SGIP1: variants seen among roughly 807,000 people sequenced by gnomAD.
SGIP1 encodes SH3-containing GRB2-like protein 3-interacting protein 1.
A neutral mutation model predicts 107.5 loss-of-function variants in SGIP1; 38 were observed. That is an observed-to-expected ratio of 0.35 (90% CI 0.27 to 0.46). SGIP1 has a LOEUF of 0.46. SGIP1 is among the 20% of genes least tolerant of loss of function. The pLI is 1.00. For synonymous variants in SGIP1, 365 were observed against 366.1 expected (o/e 1.00, Z 0.03); for missense variants, 929 against 1,019.5 (o/e 0.91, Z 1.21).
At chr1:66,634,536 C>T (rs1282729206) in intron 3 of SGIP1, among the ~76,000 whole-genome samples, 4 of 151,948 alleles carry the variant, frequency 2.6e-5, no homozygotes, top group African/African-American at 9.7e-5. Context: ...GGGGACGCAT[C>T]CCCCCAGGGC....
chr1:66,708,367 T>C (rs2092673026), intron 18 of SGIP1, among the ~76,000 whole-genome samples: 1 of 152,182 alleles, frequency 6.6e-6, no homozygotes, highest in Non-Finnish European at 1.5e-5. Context: ...TTTCCAATGC[T>C]TGATCAAACT....
At chr1:66,535,894 A>G (rs1430066777) in intron 1 of SGIP1, among the ~76,000 whole-genome samples, 1 of 42,990 alleles carries the variant, frequency 2.3e-5, no homozygotes, top group Non-Finnish European at 4.3e-5. Flanking sequence ...CTCCAGCTCA[A>G]CTTCATATAG....
intron 1 of SGIP1, among the ~76,000 whole-genome samples, chr1:66,578,313 C>A (rs984581120): frequency 2.6e-5 from 4 of 152,218 alleles, no homozygotes; most frequent in Non-Finnish European, 5.9e-5. Flanking sequence ...GGCTAATGAG[C>A]AATGGATGTA....
chr1:66,727,051 T>A (rs2093789203), intron 19 of SGIP1, among the ~76,000 whole-genome samples: 1 of 152,226 alleles, frequency 6.6e-6, no homozygotes, highest in Admixed American at 6.5e-5. Flanking sequence ...ACCGAAAGAA[T>A]GACTGGATTA....
At chr1:66,582,491 T>A (rs1401266599) in intron 1 of SGIP1, among the ~76,000 whole-genome samples, 1 of 151,748 alleles carries the variant, frequency 6.6e-6, no homozygotes, top group South Asian at 2.1e-4. Context: ...AGTTTTTGAT[T>A]AAGTGAGAGG....
chr1:66,537,599 G>T (rs2147980980), intron 1 of SGIP1, among the ~76,000 whole-genome samples: 1 of 152,000 alleles, frequency 6.6e-6, no homozygotes, highest in Admixed American at 6.5e-5. Context: ...AGGCTCTTAG[G>T]TGCTATACTA....
intron 1 of SGIP1, among the ~76,000 whole-genome samples, chr1:66,606,014 G>C (rs934576464): frequency 3.9e-5 from 6 of 152,092 alleles, no homozygotes; most frequent in Non-Finnish European, 8.8e-5. Context: ...TTTTCATCTG[G>C]GGAAGATCTG....
chr1:66,633,184 G>GA (rs1225310599), intron 3 of SGIP1, 90 bp downstream of exon 3: 26 of 837,698 alleles, frequency 3.1e-5, no homozygotes, highest in East Asian at 1.5e-4. Context: ...TTCCTGTAGG[G>GA]AAAAAAATAG....
intron 1 of SGIP1, among the ~76,000 whole-genome samples, chr1:66,588,149 A>C (rs2062934983): frequency 6.6e-6 from 1 of 152,142 alleles, no homozygotes; most frequent in South Asian, 2.1e-4. Flanking sequence ...CACTTATTAA[A>C]CTTCCAGTGG....
At chr1:66,573,336 A>G (rs1019470408) in intron 1 of SGIP1, among the ~76,000 whole-genome samples, 4 of 152,154 alleles carry the variant, frequency 2.6e-5, no homozygotes, top group Non-Finnish European at 5.9e-5. Flanking sequence ...TAGTTCAACC[A>G]TTGTGGAAGA....
At chr1:66,655,726 G>A (rs1221028116) in intron 7 of SGIP1, among the ~76,000 whole-genome samples, 2 of 151,946 alleles carry the variant, frequency 1.3e-5, no homozygotes, top group South Asian at 4.2e-4. Flanking sequence ...TAAAAATATG[G>A]CATGAAAGAT....
intron 4 of SGIP1, among the ~76,000 whole-genome samples, chr1:66,638,840 C>G (rs1433885148): frequency 6.6e-6 from 1 of 152,178 alleles, no homozygotes; most frequent in Non-Finnish European, 1.5e-5. Flanking sequence ...GTGTCCAAGC[C>G]TCATGCGTCA....
At position 66,677,106 on chromosome 1, in the gene SGIP1, G is replaced by T; in HGVS notation, c.739+10G>T. On this transcript the variant is annotated intron_variant, in intron 13 of 24. Transcript: ENST00000371037. ...CCTTTTCCCACTGGAAGTAAGTTAT[G>T]TGTCTGCTCTGTCTGGAAAAATAAG... 6.2e-7 allele frequency: 1 copy of T among 1,605,364 alleles called. No homozygotes were observed. Among genetic ancestry groups the T allele is most frequent in the Non-Finnish European group, 8.5e-7 (1 of 1,173,232 alleles).
intron 1 of SGIP1, among the ~76,000 whole-genome samples, chr1:66,560,501 A>C (rs956698987): frequency 1.3e-5 from 2 of 152,096 alleles, no homozygotes; most frequent in African/African-American, 4.8e-5. Context: ...ATTTTACAGT[A>C]AGCAATTATG....
intron 20 of SGIP1, among the ~76,000 whole-genome samples, chr1:66,732,124 A>G (rs1158329866): frequency 1.3e-5 from 2 of 152,226 alleles, no homozygotes; most frequent in African/African-American, 4.8e-5. Context: ...ATAGCATTAT[A>G]TAATTGAGGG....
intron 18 of SGIP1, among the ~76,000 whole-genome samples, chr1:66,715,471 TG>T (rs1295049018): frequency 1.4e-5 from 2 of 142,594 alleles, no homozygotes; most frequent in African/African-American, 5.3e-5. Context: ...ATGTTGTTGT[TG>T]GGGGGGCGTG....
intron 1 of SGIP1, among the ~76,000 whole-genome samples, chr1:66,543,489 ATT>A (rs2148096396): frequency 6.6e-6 from 1 of 152,324 alleles, no homozygotes; most frequent in Non-Finnish European, 1.5e-5. Flanking sequence ...GTCAAAGTTT[ATT>A]TTAGTAATGA....
intron 2 of SGIP1, among the ~76,000 whole-genome samples, chr1:66,630,778 C>G (rs1202535284): frequency 1.6e-5 from 2 of 128,762 alleles, no homozygotes; most frequent in Non-Finnish European, 3.2e-5. Context: ...TGCACACCAG[C>G]CTGGGTGACA....
chr1:66,560,576 A>G (rs547701928), intron 1 of SGIP1, among the ~76,000 whole-genome samples: 2 of 152,240 alleles, frequency 1.3e-5, no homozygotes, highest in South Asian at 2.1e-4. Flanking sequence ...TGGGAGACCC[A>G]GTGAACTGCC....
Sources: allele counts gnomAD v4.1 joint callset (sites outside exome capture counted in the v4.1 genomes callset), GRCh38; gene constraint gnomAD v4.1.1; transcripts MANE v1.5; gene names NCBI Gene and HGNC (gene_info 2026-07-23, HGNC 2026-07-21).